The following CLSPN variants were observed in gnomAD, a reference collection of about 807,000 sequenced individuals.
CLSPN encodes the protein claspin, also known as claspin homolog.
CLSPN carries 85 observed loss-of-function variants against 156.3 expected under a neutral mutation model. That is an observed-to-expected ratio of 0.54 (90% confidence interval 0.46 to 0.65). CLSPN has a LOEUF of 0.65. Ranked by LOEUF, CLSPN falls within the 30% of genes least tolerant of loss-of-function variation. CLSPN has a pLI of 0.00. For missense variants in CLSPN, 1,407 were observed against 1,554.9 expected, an observed-to-expected ratio of 0.90 and a Z score of 1.60; for synonymous variants, 534 against 542.4, an observed-to-expected ratio of 0.98 and a Z score of 0.22.
At chr1:35,752,685 C>T (rs1642135569) in intron 9 of CLSPN, among the ~76,000 whole-genome samples, 2 of 151,102 alleles carry the variant, frequency 1.3e-5, no homozygotes, top group South Asian at 4.2e-4. Flanking sequence ...CATTTATTAG[C>T]TGTGTAAACT....
Position 35,753,765 on chromosome 1 carries a change from C to A in CLSPN, c.1751G>T (p.Gly584Val), listed in dbSNP as rs778705389. The stretch of plus-strand genomic sequence containing the variant: ...AATACCTGGTTTTGTGTGGCTTGCT[C>A]CATCCAACTTCTTAGGTGCTAAAGT... Reference protein sequence around the residue: ...PVTLAPKKLDGASHTKPGEKL... With the variant: ...PVTLAPKKLDVASHTKPGEKL... The change falls in exon 9 of 25, where the codon GGA becomes GTA. Residue 584 changes from glycine to valine, a missense_variant. Coordinates refer to ENST00000318121, the MANE Select transcript of CLSPN (RefSeq NM_022111.4). 4 of 1,614,200 alleles carry A rather than the reference C, an allele frequency of 2.5e-6. No individual in the cohort carries two copies. The highest frequency in any genetic ancestry group is 3.4e-6 in the Non-Finnish European group (4 of 1,180,040).
chr1:35,761,093 T>C lies in CLSPN; in HGVS notation c.1004+3A>G. ...AATTATAATAAGGAAAGAGGGTTCT[T>C]ACTTCAATAGTGCCATGGCATTTCC... On this transcript the variant is annotated splice_donor_region_variant and intron_variant, in intron 7 of 24. Transcript: ENST00000318121. 2 of 1,586,184 alleles carry C rather than the reference T, an allele frequency of 1.3e-6. No individual in the cohort carries two copies. Among genetic ancestry groups the C allele is most frequent in the Non-Finnish European group, 8.7e-7 (1 of 1,155,046 alleles).
Position 35,734,000 on chromosome 1 carries a change from A to G in CLSPN, c.*2496T>C. Reference sequence around the variant, plus strand: ...CTCTAAAAAATAAGTTTTTTAAACAAAGAGCTATAATAGAAGGTACCATTT... The same window carrying G: ...CTCTAAAAAATAAGTTTTTTAAACAGAGAGCTATAATAGAAGGTACCATTT... On this transcript the variant is annotated 3_prime_UTR_variant, in exon 25 of 25. Coordinates refer to ENST00000318121, the MANE Select transcript of CLSPN (RefSeq NM_022111.4). The G allele has an allele frequency of 1.0e-6, 1 of 985,396 alleles. No individual in the cohort carries two copies. 61.0% of individuals were successfully genotyped at this position (985,396 alleles called of 1,614,324 possible).
Position 35,765,705 on chromosome 1 carries a change from A to C in CLSPN, c.25-379T>G, listed in dbSNP as rs555560658. 2.6e-5 allele frequency among the ~76,000 whole-genome samples: 4 copies of C among 152,336 alleles called. No individual in the cohort carries two copies. The South Asian group carries it at 8.3e-4, about 32-fold the overall frequency. On this transcript the variant is annotated intron_variant, in intron 1 of 24. Coordinates refer to ENST00000318121, the MANE Select transcript of CLSPN (RefSeq NM_022111.4). ...AGAATTAGATTATCACAATTTTATC[A>C]ACCCTCAATTAAATAACAGACCTAG...
intron 1 of CLSPN, among the ~76,000 whole-genome samples, chr1:35,766,295 G>A (rs1253677000): frequency 6.7e-6 from 1 of 150,232 alleles, no homozygotes; most frequent in African/African-American, 2.4e-5. Context: ...GCACCCGGCC[G>A]GTTTCTTTAA....
At chr1:35,761,855 C>T (rs1642489157) in intron 6 of CLSPN, 143 bp downstream of exon 6, 3 of 620,590 alleles carry the variant, frequency 4.8e-6, no homozygotes, top group Admixed American at 3.1e-5. Context: ...GAACAATGGC[C>T]TTTCACCAAG....
At chr1:35,756,996 T>C (rs1262932069) in intron 8 of CLSPN, among the ~76,000 whole-genome samples, 1 of 152,168 alleles carries the variant, frequency 6.6e-6, no homozygotes, top group Non-Finnish European at 1.5e-5. Context: ...ACCAATGTCC[T>C]TGCTATCTTC....
chr1:35,760,368 A>G lies in CLSPN; in HGVS notation c.1553T>C (p.Val518Ala), dbSNP rs776880785. 1.2e-6 allele frequency: 2 copies of G among 1,613,802 alleles called. No homozygotes were observed. The highest frequency in any genetic ancestry group is 3.3e-5 in the Admixed American group (2 of 60,000). The change falls in exon 8 of 25, where the codon GTG becomes GCG. Residue 518 changes from valine to alanine, a missense_variant. Physicochemically the swap from Val to Ala is moderately conservative, Grantham distance 64. Around this residue, in one of 3 missense-constraint regions of CLSPN, gnomAD observed 1,096 missense variants for 1,193.0 expected, o/e 0.92. Transcript: ENST00000318121. The stretch of plus-strand genomic sequence containing the variant: ...TCTGTTGGTTTCAGGTTCAAGTATC[A>G]CAAAGGAATCTTCATCAGCACCTAG... ...PRLGADEDSF[V>A]ILEPETNREL... is the part of the protein sequence containing the mutation.
intron 9 of CLSPN, 82 bp from the exon 10 acceptor site, chr1:35,751,588 T>C (rs571873208): frequency 1.3e-6 from 2 of 1,500,412 alleles, no homozygotes; most frequent in African/African-American, 2.8e-5. Context: ...AATATTCTAG[T>C]CACATCCCAA....
rs1019084955 is a variant in CLSPN, at chr1:35,733,325, T to C, written c.*3171A>G. The C allele has an allele frequency of 5.6e-5, 14 of 247,828 alleles. No homozygotes were observed. In the Middle Eastern group the frequency reaches 8.2e-3, roughly 145 times the overall value. The allele number at this position is 247,828 out of a possible 1,614,324, so 15.4% of individuals were successfully genotyped here. A position where few individuals can be genotyped will look rare whatever the true frequency, so the allele number is the denominator to read the frequency against. On this transcript the variant is annotated 3_prime_UTR_variant, in exon 25 of 25. Coordinates refer to ENST00000318121, the MANE Select transcript of CLSPN (RefSeq NM_022111.4). Reference sequence around the variant, plus strand: ...ACTAATTTTCTTTTTTTTTTCTTTTTTTTTTTTTTTTTAGAGTTGGGATTT... The same window carrying C: ...ACTAATTTTCTTTTTTTTTTCTTTTCTTTTTTTTTTTTAGAGTTGGGATTT...
At position 35,733,452 on chromosome 1, in the gene CLSPN, T is replaced by C. The variant is rs555749534; in HGVS notation, c.*3044A>G. On this transcript the variant is annotated 3_prime_UTR_variant, in exon 25 of 25. Coordinates refer to ENST00000318121, the MANE Select transcript of CLSPN (RefSeq NM_022111.4). The stretch of plus-strand genomic sequence containing the variant: ...TGAGCCACCGGACCTGGCTGAATTT[T>C]CTTATCCTCAGTTGTCAATTCCAAT... The C allele has an allele frequency of 1.4e-3, 1,395 of 985,234 alleles. No homozygotes were observed. Among genetic ancestry groups the C allele is most frequent in the Non-Finnish European group, 1.6e-3 (1,333 of 829,866 alleles). The allele number at this position is 985,234 out of a possible 1,614,324, so 61.0% of individuals were successfully genotyped here.
intron 1 of CLSPN, among the ~76,000 whole-genome samples, chr1:35,767,975 T>G (rs1489209932): frequency 7.2e-5 from 11 of 152,180 alleles, no homozygotes; most frequent in Admixed American, 7.2e-4. Context: ...TCTACCTCCT[T>G]AGTGTTCTCA....
At chr1:35,739,685 GT>G (rs1356973943) in intron 18 of CLSPN, among the ~76,000 whole-genome samples, 156 bp from the exon 19 acceptor site, 1 of 152,158 alleles carries the variant, frequency 6.6e-6, no homozygotes, top group Non-Finnish European at 1.5e-5. Flanking sequence ...ACTTATGATG[GT>G]TTGACTTAAT....
rs374350674 is a variant in CLSPN at position 35,765,284 on chromosome 1, C to G, written c.67G>C (p.Glu23Gln). Residue 23 changes from glutamate to glutamine, a missense_variant, in exon 2 of 25, where the codon GAA becomes CAA. By Grantham distance (29) the Glu-to-Gln change is conservative. Transcript: ENST00000318121. ...INDPNVISQE[E>Q]ADSPSDSGQG... ...CCACTATCTGAAGGACTATCTGCTTCCTCTTGTGAAATGACGTTTGGGTCA... is the reference window on the plus strand; with the variant it reads ...CCACTATCTGAAGGACTATCTGCTTGCTCTTGTGAAATGACGTTTGGGTCA... 6.2e-7 allele frequency: 1 copy of G among 1,613,930 alleles called. No homozygotes were observed. Among genetic ancestry groups the G allele is most frequent in the South Asian group, 1.1e-5 (1 of 91,076 alleles).
At chr1:35,744,650 C>A (rs1431414120) in intron 16 of CLSPN, among the ~76,000 whole-genome samples, 3 of 152,058 alleles carry the variant, frequency 2.0e-5, no homozygotes, top group African/African-American at 7.2e-5. Context: ...ATTTTGTTTA[C>A]CCATTCATTT....
At chr1:35,766,631 A>G (rs1642686272) in intron 1 of CLSPN, among the ~76,000 whole-genome samples, 1 of 150,416 alleles carries the variant, frequency 6.6e-6, no homozygotes, top group Non-Finnish European at 1.5e-5. Flanking sequence ...TTTAGTAGAG[A>G]TGGGGTTTCT....
intron 23 of CLSPN, 40 bp from the exon 24 acceptor site, chr1:35,737,115 C>A: frequency 6.3e-7 from 1 of 1,594,236 alleles, no homozygotes; most frequent in Non-Finnish European, 8.6e-7. Flanking sequence ...ATCCCAAGTG[C>A]CAACTAAAGA....
chr1:35,731,143 T>C (rs1241900440), downstream of CLSPN, among the ~76,000 whole-genome samples: 1 of 147,308 alleles, frequency 6.8e-6, no homozygotes, highest in Non-Finnish European at 1.5e-5. Context: ...GAGGTTGCAG[T>C]GAGCCGAGAT....
At chr1:35,747,021 G>A in intron 14 of CLSPN, 29 bp from the exon 15 acceptor site, 2 of 1,578,428 alleles carry the variant, frequency 1.3e-6, no homozygotes, top group Non-Finnish European at 1.7e-6. Flanking sequence ...AACGAATAGT[G>A]TAAAAAATTC....
Sources: gnomAD v4.1 joint callset for allele counts (sites outside exome capture counted in the v4.1 genomes callset) on GRCh38, gnomAD v4.1.1 for gene constraint, gnomAD v4.1.1 regional missense constraint, MANE v1.5 for transcripts, NCBI Gene and HGNC (gene_info 2026-07-23, HGNC 2026-07-21) for gene names.